The following CEP70 variants were observed in gnomAD, a reference collection of about 807,000 sequenced individuals.
CEP70 encodes centrosomal protein of 70 kDa.
A neutral mutation model predicts 90.9 loss-of-function variants in CEP70; 70 were observed. The observed-to-expected ratio is 0.77, with a 90% CI of 0.64 to 0.94. CEP70 has a LOEUF of 0.94. CEP70 is among the 40% of genes least tolerant of loss of function. The pLI is 0.00. For missense variants in CEP70, 648 were observed against 669.0 expected, an observed-to-expected ratio of 0.97 and a Z score of 0.35; for synonymous variants, 220 against 228.3, an observed-to-expected ratio of 0.96 and a Z score of 0.33.
At chr3:138,588,127 A>G (rs2042198176) in intron 2 of CEP70, among the ~76,000 whole-genome samples, 1 of 152,200 alleles carries the variant, frequency 6.6e-6, no homozygotes, top group Non-Finnish European at 1.5e-5. Context: ...ACATAAATCT[A>G]AAACTTAAAA....
chr3:138,527,728 A>T (rs1441455534), intron 10 of CEP70, among the ~76,000 whole-genome samples: 1 of 151,544 alleles, frequency 6.6e-6, no homozygotes, highest in Non-Finnish European at 1.5e-5. Context: ...AATGGGCTAA[A>T]ATTATTTGTA....
intron 17 of CEP70, chr3:138,496,742 C>A (rs1025367071): frequency 2.7e-5 from 27 of 985,214 alleles, no homozygotes; most frequent in African/African-American, 3.5e-5. Context: ...TTAACTTTCC[C>A]AATGTTAATG....
At chr3:138,503,888 A>G (rs1254938519) in intron 13 of CEP70, among the ~76,000 whole-genome samples, 1 of 152,204 alleles carries the variant, frequency 6.6e-6, no homozygotes, top group Non-Finnish European at 1.5e-5. Flanking sequence ...CTTTAACGAT[A>G]TAAATGATTA....
intron 6 of CEP70, among the ~76,000 whole-genome samples, chr3:138,556,349 G>A (rs2040003104): frequency 6.6e-6 from 1 of 151,952 alleles, no homozygotes; most frequent in African/African-American, 2.4e-5. Context: ...CCAATATGGT[G>A]AAACCCCATC....
intron 6 of CEP70, among the ~76,000 whole-genome samples, chr3:138,566,977 C>T (rs984669365): frequency 3.3e-5 from 5 of 151,990 alleles, no homozygotes; most frequent in African/African-American, 1.2e-4. Context: ...CTAAAATGTC[C>T]ATCAACAGAT....
At chr3:138,495,708 TG>T (rs1219732224) in intron 17 of CEP70, 2 of 186,084 alleles carry the variant, frequency 1.1e-5, no homozygotes, top group Non-Finnish European at 2.0e-5. Flanking sequence ...AAAAATTAGC[TG>T]GGTGTGGTAG....
chr3:138,551,759 T>C (rs1817259), intron 6 of CEP70, among the ~76,000 whole-genome samples: 21 of 112,638 alleles, frequency 1.9e-4, no homozygotes, highest in East Asian at 4.0e-4. Context: ...AAAAAAAAAA[T>C]AAAATAAAAC....
chr3:138,530,247 T>C (rs943983698), intron 8 of CEP70, among the ~76,000 whole-genome samples: 2 of 152,236 alleles, frequency 1.3e-5, no homozygotes, highest in African/African-American at 4.8e-5. Context: ...TTTCATTAAA[T>C]CTTAAATTTA....
intron 11 of CEP70, among the ~76,000 whole-genome samples, chr3:138,513,851 A>G (rs932591593): frequency 6.6e-6 from 1 of 152,170 alleles, no homozygotes; most frequent in Non-Finnish European, 1.5e-5. Context: ...GAAATTTTAT[A>G]ATCAGCCTGT....
intron 6 of CEP70, among the ~76,000 whole-genome samples, chr3:138,548,962 A>G (rs1186173110): frequency 6.6e-6 from 1 of 152,146 alleles, no homozygotes; most frequent in African/African-American, 2.4e-5. Context: ...GGTCTAGCTC[A>G]TGGGACAGGA....
chr3:138,497,357 G>A, intron 17 of CEP70: 1 of 1,229,374 alleles, frequency 8.1e-7, no homozygotes. Context: ...TCTTTCAAAT[G>A]AGCTATACAG....
intron 6 of CEP70, among the ~76,000 whole-genome samples, chr3:138,542,324 A>C (rs1478768609): frequency 6.6e-6 from 1 of 152,188 alleles, no homozygotes; most frequent in East Asian, 1.9e-4. Flanking sequence ...GAAAGCTCAG[A>C]GATGCCAGGA....
At chr3:138,593,414 G>A (rs1252445120) in intron 1 of CEP70, among the ~76,000 whole-genome samples, 1 of 152,106 alleles carries the variant, frequency 6.6e-6, no homozygotes, top group Non-Finnish European at 1.5e-5. Flanking sequence ...GTAGAGACGT[G>A]GTTTCATCAT....
At chr3:138,515,708 TTAA>T (rs1328598067) in intron 11 of CEP70, among the ~76,000 whole-genome samples, 1 of 152,200 alleles carries the variant, frequency 6.6e-6, no homozygotes, top group Non-Finnish European at 1.5e-5. Context: ...ATGGAATCTA[TTAA>T]TAATGAAGAC....
intron 11 of CEP70, among the ~76,000 whole-genome samples, chr3:138,517,455 G>A (rs6784770): frequency 0.14 from 19,744 of 145,560 alleles, 2,706 homozygotes; most frequent in East Asian, 0.39. Context: ...GGATCACGAG[G>A]TCAGGAGATC....
intron 6 of CEP70, among the ~76,000 whole-genome samples, chr3:138,552,261 G>A (rs1037606538): frequency 5.3e-5 from 8 of 152,064 alleles, no homozygotes; most frequent in Non-Finnish European, 1.2e-4. Context: ...GCACTAGACA[G>A]GTCATCAAGA....
chr3:138,588,315 G>A (rs1254543154), intron 2 of CEP70, among the ~76,000 whole-genome samples: 1 of 152,116 alleles, frequency 6.6e-6, no homozygotes, highest in African/African-American at 2.4e-5. Flanking sequence ...CATACTCAGA[G>A]AAAATAGTCA....
intron 7 of CEP70, among the ~76,000 whole-genome samples, chr3:138,535,190 G>A (rs932893906): frequency 2.0e-5 from 3 of 152,062 alleles, no homozygotes; most frequent in South Asian, 2.1e-4. Flanking sequence ...GACTCTTGAC[G>A]TCCCAAACAC....
intron 6 of CEP70, among the ~76,000 whole-genome samples, chr3:138,543,630 G>A (rs368438126): frequency 4.6e-5 from 7 of 152,170 alleles, no homozygotes; most frequent in East Asian, 3.9e-4. Context: ...ACAGCTCCAT[G>A]GAGCACGCAG....
Sources: gnomAD v4.1 joint callset for allele counts (sites outside exome capture counted in the v4.1 genomes callset) on GRCh38, gnomAD v4.1.1 for gene constraint, MANE v1.5 for transcripts, NCBI Gene and HGNC (gene_info 2026-07-23, HGNC 2026-07-21) for gene names.